TRAF3: variants seen among roughly 807,000 people sequenced by gnomAD.
TRAF3 encodes TNF receptor-associated factor 3.
A neutral mutation model predicts 62.3 loss-of-function variants in TRAF3; 13 were observed. The observed-to-expected ratio is 0.21, with a 90% CI of 0.14 to 0.33. The LOEUF (loss-of-function observed/expected upper bound fraction) is 0.33. Among genes scored for constraint, TRAF3 ranks in the 10% least tolerant of loss-of-function variants. TRAF3 has a pLI of 1.00. For synonymous variants in TRAF3, 269 were observed against 283.4 expected (o/e 0.95, Z 0.51); for missense variants, 440 against 741.8 (o/e 0.59, Z 4.73).
rs936127558 is a variant in TRAF3, at chr14:102,903,947, G to A, written c.1135+518G>A. 4 of 384,738 alleles carry A rather than the reference G, an allele frequency of 1.0e-5. No homozygotes were observed. The highest frequency in any genetic ancestry group is 5.9e-5 in the Admixed American group (2 of 33,814). 23.8% of individuals were successfully genotyped at this position (384,738 alleles called of 1,614,324 possible). A position where few individuals can be genotyped will look rare whatever the true frequency, so the allele number is the denominator to read the frequency against. On this transcript the variant is annotated intron_variant, in intron 11 of 11. Transcript: ENST00000392745. The surrounding 1 kb of genome is among the most constrained non-coding windows in gnomAD (Gnocchi z 6.4). ...ATGGCAGAAAGGAACACAGATTACCGGTGTGTGTGTGGGGCCGGATGAAGC... is the reference window on the plus strand; with the variant it reads ...ATGGCAGAAAGGAACACAGATTACCAGTGTGTGTGTGGGGCCGGATGAAGC...
chr14:102,857,791 GTTTCTCTAA>G (rs1386086401), intron 2 of TRAF3, among the ~76,000 whole-genome samples: 1 of 152,206 alleles, frequency 6.6e-6, no homozygotes, highest in Non-Finnish European at 1.5e-5. Flanking sequence ...AAAACAACTA[GTTTCTCTAA>G]TTGTGTCCTG....
intron 9 of TRAF3, 38 bp from the exon 10 acceptor site, chr14:102,897,223 C>A: frequency 6.3e-7 from 1 of 1,580,546 alleles, no homozygotes; most frequent in African/African-American, 1.4e-5. Context: ...ATATGAAAAC[C>A]ACTTTTGGTT....
At chr14:102,816,818 G>T (rs1039426304) in intron 1 of TRAF3, among the ~76,000 whole-genome samples, 1 of 152,160 alleles carries the variant, frequency 6.6e-6, no homozygotes, top group Non-Finnish European at 1.5e-5. Context: ...TCCTGTGCCC[G>T]CTGCCAGGAA....
chr14:102,874,598 T>G (rs939885653), intron 4 of TRAF3, among the ~76,000 whole-genome samples: 1 of 151,958 alleles, frequency 6.6e-6, no homozygotes, highest in African/African-American at 2.4e-5. Flanking sequence ...TGAGAATACT[T>G]GTGTTTTCTA....
intron 1 of TRAF3, among the ~76,000 whole-genome samples, chr14:102,784,650 G>A (rs185506390): frequency 2.6e-5 from 4 of 152,310 alleles, no homozygotes; most frequent in South Asian, 2.1e-4. Flanking sequence ...ATAGGATGCC[G>A]TCTGATCTCT....
intron 1 of TRAF3, among the ~76,000 whole-genome samples, chr14:102,796,162 A>T (rs1430173348): frequency 6.6e-6 from 1 of 152,246 alleles, no homozygotes; most frequent in African/African-American, 2.4e-5. Flanking sequence ...GGTTGCAGTG[A>T]GCCGAGTTGC....
At chr14:102,876,272 G>A (rs1005496804) in intron 5 of TRAF3, 86 bp from the exon 6 acceptor site, 2 of 1,451,202 alleles carry the variant, frequency 1.4e-6, no homozygotes, top group Middle Eastern at 1.9e-4. Context: ...ATTTCTTTAG[G>A]GTTTCATTGC....
intron 9 of TRAF3, among the ~76,000 whole-genome samples, chr14:102,893,172 C>T (rs1050995589): frequency 1.1e-4 from 16 of 151,236 alleles, no homozygotes; most frequent in African/African-American, 3.9e-4. Context: ...AGGCTGAGGT[C>T]GGGAGTTCAA....
intron 9 of TRAF3, among the ~76,000 whole-genome samples, chr14:102,892,063 T>C (rs944678165): frequency 4.0e-5 from 6 of 151,392 alleles, no homozygotes; most frequent in African/African-American, 1.5e-4. Flanking sequence ...TTTTTTTTTT[T>C]TTTTTCCCCA....
At chr14:102,805,362 G>A (rs1458460032) in intron 1 of TRAF3, among the ~76,000 whole-genome samples, 1 of 152,206 alleles carries the variant, frequency 6.6e-6, no homozygotes, top group Non-Finnish European at 1.5e-5. Flanking sequence ...GTGATTTAAA[G>A]TGTGTAAGAA....
chr14:102,855,017 T>A (rs1191378167), intron 2 of TRAF3, among the ~76,000 whole-genome samples: 1 of 152,184 alleles, frequency 6.6e-6, no homozygotes, highest in Admixed American at 6.5e-5. Context: ...TTTCAACCAC[T>A]GGTAACTACC....
rs1890697238 is a variant in TRAF3 at position 102,908,434 on chromosome 14, C to G, written c.*2650C>G. 6.6e-6 allele frequency: 1 copy of G among 152,364 alleles called. No individual in the cohort carries two copies. The highest frequency in any genetic ancestry group is 2.4e-5 in the African/African-American group (1 of 41,466). 9.4% of individuals were successfully genotyped at this position (152,364 alleles called of 1,614,324 possible). On this transcript the variant is annotated 3_prime_UTR_variant, in exon 12 of 12. Coordinates refer to ENST00000392745, the MANE Select transcript of TRAF3 (RefSeq NM_145725.3). ...ATGTACTCAACACAGTGGGCAGCAGCCTGGGACGGCGTCCCCTCTCCCGGC... is the reference window on the plus strand; with the variant it reads ...ATGTACTCAACACAGTGGGCAGCAGGCTGGGACGGCGTCCCCTCTCCCGGC...
At chr14:102,795,617 T>TGTGTGTGTGTGC (rs33948608) in intron 1 of TRAF3, among the ~76,000 whole-genome samples, 2 of 143,538 alleles carry the variant, frequency 1.4e-5, no homozygotes, top group East Asian at 3.9e-4. Context: ...TGTGTGTGTG[T>TGTGTGTGTGTGC]GTGCATAGTT....
At chr14:102,797,923 G>C (rs1284666859) in intron 1 of TRAF3, among the ~76,000 whole-genome samples, 3 of 152,010 alleles carry the variant, frequency 2.0e-5, no homozygotes, top group African/African-American at 2.4e-5. Context: ...TTTTAGTAGA[G>C]ACAGGGTTTC....
chr14:102,905,152 C>G (rs934166685), intron 11 of TRAF3, 61 bp from the exon 12 acceptor site: 1 of 1,526,874 alleles, frequency 6.5e-7, no homozygotes, highest in African/African-American at 1.4e-5. Flanking sequence ...TGCAGCTTTG[C>G]TTTCCTAACC....
intron 6 of TRAF3, among the ~76,000 whole-genome samples, chr14:102,883,663 G>A (rs1889196488): frequency 6.6e-6 from 1 of 152,046 alleles, no homozygotes; most frequent in African/African-American, 2.4e-5. Flanking sequence ...TTGGCTCACT[G>A]TAACCTTCGC....
At chr14:102,825,452 C>T (rs1176886812) in intron 1 of TRAF3, among the ~76,000 whole-genome samples, 2 of 152,240 alleles carry the variant, frequency 1.3e-5, no homozygotes, top group African/African-American at 4.8e-5. Context: ...GGTTGCGCCC[C>T]TGCCCGTCTC....
intron 1 of TRAF3, among the ~76,000 whole-genome samples, chr14:102,822,742 A>G (rs1410242898): frequency 6.6e-6 from 1 of 152,234 alleles, no homozygotes; most frequent in East Asian, 1.9e-4. Context: ...GCTGTGGCTT[A>G]TGCCTGTAAT....
Position 102,905,865 on chromosome 14 carries a change from C to A in TRAF3, c.*81C>A. ...CGGTCTGTCTTCACTGAGGTCCTCG[C>A]GCTCAGAAAAGGACCTTGTGAGACG... On this transcript the variant is annotated 3_prime_UTR_variant, in exon 12 of 12. Transcript: ENST00000392745. 1 of 1,331,778 alleles carries A rather than the reference C, an allele frequency of 7.5e-7. No individual in the cohort carries two copies. The highest frequency in any genetic ancestry group is 1.0e-6 in the Non-Finnish European group (1 of 959,174). 82.5% of individuals were successfully genotyped at this position (1,331,778 alleles called of 1,614,324 possible).
Sources: gnomAD v4.1 joint callset for allele counts (sites outside exome capture counted in the v4.1 genomes callset) on GRCh38, gnomAD v4.1.1 for gene constraint, Gnocchi (gnomAD v3.1) non-coding constraint, MANE v1.5 for transcripts, NCBI Gene and HGNC (gene_info 2026-07-23, HGNC 2026-07-21) for gene names.